Variants in ATP1B3 observed in about 807,000 individuals in gnomAD.
ATP1B3 encodes the protein sodium/potassium-transporting ATPase subunit beta-3.
ATP1B3 carries 10 observed loss-of-function variants against 30.2 expected under a neutral mutation model. The ratio of observed to expected loss-of-function variants is 0.33; its 90% CI spans 0.20 to 0.56. The LOEUF (loss-of-function observed/expected upper bound fraction) is 0.56. Ranked by LOEUF, ATP1B3 falls within the 20% of genes least tolerant of loss-of-function variation. The pLI, the probability that ATP1B3 is intolerant of heterozygous loss-of-function variation, is 0.90. For synonymous variants in ATP1B3, 113 were observed against 117.0 expected (o/e 0.97, Z 0.22); for missense variants, 238 against 336.7 (o/e 0.71, Z 2.29).
intron 6 of ATP1B3, among the ~76,000 whole-genome samples, chr3:141,925,276 G>A (rs76689514): frequency 0.013 from 1,968 of 152,246 alleles, 41 homozygotes; most frequent in African/African-American, 0.045. Flanking sequence ...AGATTAGCCT[G>A]GGCAGGGAGA....
At chr3:141,916,409 G>A (rs1213944232) in intron 5 of ATP1B3, 1 of 518,518 alleles carries the variant, frequency 1.9e-6, no homozygotes, top group Non-Finnish European at 3.5e-6. Context: ...TGCTATCTGA[G>A]ATTTAATGAA....
At chr3:141,916,695 AGTT>A in intron 5 of ATP1B3, 1 of 791,698 alleles carries the variant, frequency 1.3e-6, no homozygotes. Flanking sequence ...TCACTTTTAA[AGTT>A]GTGAAAAAAA....
At chr3:141,887,874 A>C (rs183469292) in intron 1 of ATP1B3, among the ~76,000 whole-genome samples, 29 of 152,334 alleles carry the variant, frequency 1.9e-4, no homozygotes, top group African/African-American at 5.5e-4. Flanking sequence ...GGAAAAAAAA[A>C]CCCAGAACGG....
chr3:141,888,754 A>C (rs1933881869), intron 1 of ATP1B3, among the ~76,000 whole-genome samples: 1 of 152,066 alleles, frequency 6.6e-6, no homozygotes, highest in Non-Finnish European at 1.5e-5. Context: ...ATAGTGAGTA[A>C]GTCTCATGAG....
intron 1 of ATP1B3, among the ~76,000 whole-genome samples, chr3:141,892,161 A>G (rs1261949394): frequency 6.6e-6 from 1 of 152,092 alleles, no homozygotes; most frequent in African/African-American, 2.4e-5. Flanking sequence ...TGCTTTAATC[A>G]TTTGAAGCCA....
intron 4 of ATP1B3, among the ~76,000 whole-genome samples, chr3:141,915,374 CTGTG>C (rs201600149): frequency 1.3e-5 from 2 of 152,214 alleles, no homozygotes; most frequent in Admixed American, 6.5e-5. Flanking sequence ...CACGTGGAAA[CTGTG>C]TATAAATTCA....
At chr3:141,899,954 C>G (rs980065084) in intron 1 of ATP1B3, among the ~76,000 whole-genome samples, 5 of 151,958 alleles carry the variant, frequency 3.3e-5, no homozygotes, top group Non-Finnish European at 5.9e-5. Flanking sequence ...TCACTTGAGC[C>G]GAGGATTTTG....
intron 2 of ATP1B3, among the ~76,000 whole-genome samples, chr3:141,906,274 G>C (rs1934265979): frequency 1.3e-5 from 2 of 151,862 alleles, no homozygotes; most frequent in African/African-American, 4.8e-5. Flanking sequence ...CTGTCTCCCA[G>C]GTTCAAGCAG....
chr3:141,917,017 ATTTTT>A (rs63326663), intron 5 of ATP1B3, among the ~76,000 whole-genome samples: 3 of 122,954 alleles, frequency 2.4e-5, no homozygotes, highest in Non-Finnish European at 3.3e-5. Flanking sequence ...CTCCCGGCTA[ATTTTT>A]TTTTTTTTTT....
In ATP1B3 at chr3:141,913,987, T is replaced by G. The variant is rs1934412497; in HGVS notation, c.531+151T>G. 1.1e-5 allele frequency: 8 copies of G among 695,708 alleles called. No individual in the cohort carries two copies. In the South Asian group the frequency reaches 1.7e-4, roughly 15 times the overall value. The allele number at this position is 695,708 out of a possible 1,614,324, so 43.1% of individuals were successfully genotyped here. On this transcript the variant is annotated intron_variant, in intron 4 of 6. Coordinates refer to ENST00000286371, the MANE Select transcript of ATP1B3 (RefSeq NM_001679.4). ...CTTGCTTTAAAGACTAGCAGTAATGTTTATTGATCACTGGAAGAAAGTTTA... is the reference window on the plus strand; with the variant it reads ...CTTGCTTTAAAGACTAGCAGTAATGGTTATTGATCACTGGAAGAAAGTTTA...
rs1303828802 is a variant in ATP1B3, at chr3:141,925,718, CCA to C, written c.*20_*21del. 3 of 1,602,832 alleles carry C rather than the reference CCA, an allele frequency of 1.9e-6. 1 individual carries two copies. The South Asian group carries it at 3.4e-5, about 18-fold the overall frequency. On this transcript the variant is annotated 3_prime_UTR_variant, in exon 7 of 7. Coordinates refer to ENST00000286371, the MANE Select transcript of ATP1B3 (RefSeq NM_001679.4). ...CGTGCATAGTATGAGTAGGATATCT[CCA>C]CAGAGTAAATGTTGTGTTGTCTGTC...
chr3:141,886,043 G>C (rs1933826988), intron 1 of ATP1B3, among the ~76,000 whole-genome samples: 1 of 152,114 alleles, frequency 6.6e-6, no homozygotes, highest in African/African-American at 2.4e-5. Context: ...CTGCTGTCGG[G>C]TTATTTCTAA....
chr3:141,876,756 C>G lies in ATP1B3; in HGVS notation c.-46C>G, dbSNP rs377453333. On this transcript the variant is annotated 5_prime_UTR_variant, in exon 1 of 7. Coordinates refer to ENST00000286371, the MANE Select transcript of ATP1B3 (RefSeq NM_001679.4). ...GACGCGCCTCCGCAGCCCTCGCCGC[C>G]TCCATCCCCGCGGCCGCAGCTCCTC... is the stretch of plus-strand genomic sequence containing the variant. The G allele has an allele frequency of 2.7e-6, 4 of 1,506,492 alleles. No individual in the cohort carries two copies. Among genetic ancestry groups the G allele is most frequent in the African/African-American group, 1.4e-5 (1 of 69,756 alleles). The allele number at this position is 1,506,492 out of a possible 1,614,324, so 93.3% of individuals were successfully genotyped here.
rs781020262 is a variant in ATP1B3, at chr3:141,903,757, C to G, written c.238+9C>G. 1 of 1,611,284 alleles carries G rather than the reference C, an allele frequency of 6.2e-7. No homozygotes were observed. Among genetic ancestry groups the G allele is most frequent in the Non-Finnish European group, 8.5e-7 (1 of 1,178,914 alleles). ...CCAGATTCCTAGCCCAGGTAATTAT[C>G]TTGCAGTTATGACTTTGTTTTTTGT... On this transcript the variant is annotated intron_variant, in intron 2 of 6. Coordinates refer to ENST00000286371, the MANE Select transcript of ATP1B3 (RefSeq NM_001679.4).
chr3:141,901,365 GT>G (rs1934160977), intron 1 of ATP1B3, among the ~76,000 whole-genome samples: 1 of 152,114 alleles, frequency 6.6e-6, no homozygotes, highest in Non-Finnish European at 1.5e-5. Flanking sequence ...TACAACTTCT[GT>G]TTTTATTTTC....
intron 5 of ATP1B3, among the ~76,000 whole-genome samples, chr3:141,920,262 G>A (rs959495709): frequency 5.3e-5 from 8 of 152,056 alleles, no homozygotes; most frequent in Non-Finnish European, 8.8e-5. Flanking sequence ...TAAGCTAAGT[G>A]TGGTATCTGG....
intron 6 of ATP1B3, among the ~76,000 whole-genome samples, chr3:141,922,656 CACCAAAAAA>C (rs1934585544): frequency 6.8e-6 from 1 of 147,342 alleles, no homozygotes; most frequent in Non-Finnish European, 1.5e-5. Context: ...CTGTTTCCCC[CACCAAAAAA>C]ATAAATGAAA....
rs192091922 is a variant in ATP1B3 at position 141,897,441 on chromosome 3, T to C, written c.110-6179T>C. 6.6e-5 allele frequency among the ~76,000 whole-genome samples: 10 copies of C among 152,310 alleles called. No homozygotes were observed. The East Asian group carries it at 1.5e-3, about 23-fold the overall frequency. The stretch of plus-strand genomic sequence containing the variant: ...TTCTATCACCCTGAGTAACACAGAA[T>C]ACTTGAATGAGACATTTTTATTTAG... On this transcript the variant is annotated intron_variant, in intron 1 of 6. Coordinates refer to ENST00000286371, the MANE Select transcript of ATP1B3 (RefSeq NM_001679.4).
chr3:141,876,821 A>G lies in ATP1B3; in HGVS notation c.20A>G (p.Lys7Arg). Reference sequence around the variant, plus strand: ...CACACCATGACGAAGAACGAGAAGAAGTCCCTCAACCAGAGCCTGGCCGAG... The same window carrying G: ...CACACCATGACGAAGAACGAGAAGAGGTCCCTCAACCAGAGCCTGGCCGAG... Reference protein sequence around the residue: MTKNEKKSLNQSLAEWK... With the variant: MTKNEKRSLNQSLAEWK... Residue 7 changes from lysine (K) to arginine (R), a missense_variant, in exon 1 of 7, where the codon AAG becomes AGG. This residue lies in a region of ATP1B3 where 130 missense variants were observed against 148.8 expected (regional missense o/e 0.87). Coordinates refer to ENST00000286371, the MANE Select transcript of ATP1B3 (RefSeq NM_001679.4). 6.3e-7 allele frequency: 1 copy of G among 1,589,218 alleles called. No individual in the cohort carries two copies. The highest frequency in any genetic ancestry group is 2.4e-5 in the East Asian group (1 of 41,998).
Sources: gnomAD v4.1 joint callset for allele counts (sites outside exome capture counted in the v4.1 genomes callset) on GRCh38, gnomAD v4.1.1 for gene constraint, gnomAD v4.1.1 regional missense constraint, MANE v1.5 for transcripts, NCBI Gene and HGNC (gene_info 2026-07-23, HGNC 2026-07-21) for gene names.